MBP: variants seen among roughly 807,000 people sequenced by gnomAD.
MBP encodes the protein Golli-MBP.
Under a neutral mutation model 35.8 loss-of-function variants are expected in MBP, and 16 were observed. That is an observed-to-expected ratio of 0.45 (90% CI 0.30 to 0.68). MBP has a LOEUF of 0.68. MBP is among the 30% of genes least tolerant of loss of function. The pLI is 0.08. For synonymous variants in MBP, 143 were observed against 159.6 expected, an observed-to-expected ratio of 0.90 and a Z score of 0.78; for missense variants, 380 against 404.7, an observed-to-expected ratio of 0.94 and a Z score of 0.52.
rs1204942044 is a variant in MBP, at chr18:76,980,236, A to G, written c.*191T>C. The G allele has an allele frequency of 1.4e-6, 1 of 695,992 alleles. No individual in the cohort carries two copies. The highest frequency in any genetic ancestry group is 2.6e-6 in the Non-Finnish European group (1 of 382,626). 43.1% of individuals were successfully genotyped at this position (695,992 alleles called of 1,614,324 possible). On this transcript the variant is annotated 3_prime_UTR_variant, in exon 9 of 9. Coordinates refer to ENST00000355994, the MANE Select transcript of MBP (RefSeq NM_001025101.2). ...ACAGTTTTAACCGTTTTCTGTTTTCATGTTCTCATTTAACTGTTGGCCGGA... is the reference window on the plus strand; with the variant it reads ...ACAGTTTTAACCGTTTTCTGTTTTCGTGTTCTCATTTAACTGTTGGCCGGA...
At chr18:76,993,448 G>C (rs983381912) in intron 4 of MBP, among the ~76,000 whole-genome samples, 2 of 151,814 alleles carry the variant, frequency 1.3e-5, no homozygotes, top group Non-Finnish European at 2.9e-5. Flanking sequence ...GCTTCAGGGG[G>C]CTGAGGCAGG....
chr18:77,088,552 GATA>G (rs779330143), intron 2 of MBP, among the ~76,000 whole-genome samples: 12 of 152,310 alleles, frequency 7.9e-5, no homozygotes, highest in Non-Finnish European at 7.4e-5. Flanking sequence ...GCATGCGTAT[GATA>G]ATAATCACAT....
rs1971726842 is a variant in MBP, at chr18:77,017,587, G to A, written c.140-319C>T. ...GCGTTTCTTCCCGGGTGCTGCCATG[G>A]CTGCTCCCGGAGAGCCCAGATGTGC... On this transcript the variant is annotated intron_variant, in intron 3 of 8. Coordinates refer to ENST00000355994, the MANE Select transcript of MBP (RefSeq NM_001025101.2). The A allele has an allele frequency of 1.6e-5, 4 of 248,080 alleles. No homozygotes were observed. In the South Asian group the frequency reaches 5.1e-4, roughly 32 times the overall value. 15.4% of individuals were successfully genotyped at this position (248,080 alleles called of 1,614,324 possible).
chr18:77,026,788 C>T (rs970107960), intron 3 of MBP, among the ~76,000 whole-genome samples: 3 of 152,152 alleles, frequency 2.0e-5, no homozygotes, highest in Admixed American at 1.3e-4. Context: ...ATCACTTAAG[C>T]CCAGGAAGTT....
At chr18:77,107,349 A>C (rs915940663) in intron 1 of MBP, among the ~76,000 whole-genome samples, 2 of 151,810 alleles carry the variant, frequency 1.3e-5, no homozygotes, top group East Asian at 1.9e-4. Context: ...GCATCATCTC[A>C]TCTCTGCCTC....
chr18:77,085,833 C>T (rs993856299), intron 2 of MBP, among the ~76,000 whole-genome samples: 3 of 151,980 alleles, frequency 2.0e-5, no homozygotes, highest in African/African-American at 7.3e-5. Context: ...TACAGGCGTC[C>T]ACCACCACGC....
chr18:77,048,922 T>C, intron 3 of MBP, among the ~76,000 whole-genome samples: 1 of 151,734 alleles, frequency 6.6e-6, no homozygotes, highest in East Asian at 1.9e-4. Context: ...TTTTTTTTAA[T>C]TTTATTTATT....
chr18:77,001,696 G>A (rs1448832099), intron 4 of MBP, among the ~76,000 whole-genome samples: 1 of 152,038 alleles, frequency 6.6e-6, no homozygotes, highest in African/African-American at 2.4e-5. Context: ...ACTAAAATAC[G>A]AGAATTAGCT....
At chr18:77,065,330 C>T (rs1233410164) in intron 3 of MBP, among the ~76,000 whole-genome samples, 1 of 152,214 alleles carries the variant, frequency 6.6e-6, no homozygotes, top group East Asian at 1.9e-4. Flanking sequence ...GCTCAGGCCT[C>T]TCTTCCTCTC....
At chr18:77,092,913 T>G (rs35071014) in intron 2 of MBP, among the ~76,000 whole-genome samples, 15,912 of 152,214 alleles carry the variant, frequency 0.1, 1,123 homozygotes, top group Non-Finnish European at 0.15. Context: ...GCGTGCGTAT[T>G]TCGCTGTTTC....
intron 2 of MBP, chr18:77,067,797 T>C (rs926826035): frequency 2.0e-6 from 1 of 508,296 alleles, no homozygotes; most frequent in Non-Finnish European, 3.9e-6. Context: ...GACCATAATA[T>C]GTACATAGTC....
chr18:77,131,033 A>C lies in MBP; in HGVS notation c.-26+1547T>G, dbSNP rs2897507. ...GATTTCTGTTTTTCCCACAAAAAAA[A>C]AAAAAAAACAAAACCTCAAAAAACA... On this transcript the variant is annotated intron_variant, in intron 1 of 8. Coordinates refer to ENST00000355994, the MANE Select transcript of MBP (RefSeq NM_001025101.2). This position sits in a 1 kb window ranked among gnomAD's most constrained non-coding sequence, Gnocchi z 5.5. Among the ~76,000 whole-genome samples the C allele has an allele frequency of 3.7e-4, 44 of 118,672 alleles. No homozygotes were observed. In the South Asian group the frequency reaches 9.9e-3, roughly 27 times the overall value. The allele number at this position is 118,672 out of a possible 152,430, so 77.9% of individuals were successfully genotyped here.
chr18:77,032,534 T>C (rs1486402099), intron 3 of MBP, among the ~76,000 whole-genome samples: 1 of 151,942 alleles, frequency 6.6e-6, no homozygotes, highest in African/African-American at 2.4e-5. Context: ...CTCAGGAGGG[T>C]GGGGACGGGG....
At position 77,100,053 on chromosome 18, in the gene MBP, CTG is replaced by C. The variant is rs143057749; in HGVS notation, c.51+5156_51+5157del. On this transcript the variant is annotated intron_variant, in intron 2 of 8. Coordinates refer to ENST00000355994, the MANE Select transcript of MBP (RefSeq NM_001025101.2). ...CAAGTAACACATGTGATAAGCTTAA[CTG>C]TGATCCTCCTGAATCTATACGTGGA... is the stretch of plus-strand genomic sequence containing the variant. 0.013 allele frequency among the ~76,000 whole-genome samples: 1,915 copies of C among 152,336 alleles called. 74 individuals are homozygous for C. The South Asian group carries it at 0.13, about 11-fold the overall frequency.
intron 2 of MBP, chr18:77,097,218 T>C (rs529819433): frequency 6.6e-6 from 1 of 152,270 alleles, no homozygotes; most frequent in African/African-American, 2.4e-5. Context: ...CCAAAGGTCA[T>C]GGCTCACAGA....
chr18:77,123,564 C>T (rs575311160), intron 1 of MBP, among the ~76,000 whole-genome samples: 1 of 152,314 alleles, frequency 6.6e-6, no homozygotes, highest in African/African-American at 2.4e-5. Flanking sequence ...CCTAAGTTAA[C>T]CCGGAGCTCA....
chr18:77,008,318 G>A lies in MBP; in HGVS notation c.576+8514C>T, dbSNP rs550118017. Among the ~76,000 whole-genome samples, 3 of 152,246 alleles carry A rather than the reference G, an allele frequency of 2.0e-5. No individual in the cohort carries two copies. In the South Asian group the frequency reaches 6.2e-4, roughly 32 times the overall value. The stretch of plus-strand genomic sequence containing the variant: ...CCATCTTGGTCTCAGTGAAGCCCAG[G>A]TGGCCACAGCCCCAGTGCACCCCAG... On this transcript the variant is annotated intron_variant, in intron 4 of 8. Coordinates refer to ENST00000355994, the MANE Select transcript of MBP (RefSeq NM_001025101.2).
Position 77,105,198 on chromosome 18 carries a change from G to T in MBP, c.51+13C>A, listed in dbSNP as rs765159529. The stretch of plus-strand genomic sequence containing the variant: ...AACAACATGCACATGTTTCGGATCA[G>T]CTCACGTCTTACCGTACTGGCCTTC... On this transcript the variant is annotated intron_variant, in intron 2 of 8. Coordinates refer to ENST00000355994, the MANE Select transcript of MBP (RefSeq NM_001025101.2). 3.1e-6 allele frequency: 5 copies of T among 1,612,274 alleles called. No homozygotes were observed. The Admixed American group carries it at 8.3e-5, about 27-fold the overall frequency.
rs898636214 is a variant in MBP, at chr18:76,980,128, T to A, written c.*299A>T. 1 of 668,498 alleles carries A rather than the reference T, an allele frequency of 1.5e-6. No individual in the cohort carries two copies. Among genetic ancestry groups the A allele is most frequent in the Non-Finnish European group, 2.7e-6 (1 of 370,786 alleles). The allele number at this position is 668,498 out of a possible 1,614,324, so 41.4% of individuals were successfully genotyped here. On this transcript the variant is annotated 3_prime_UTR_variant, in exon 9 of 9. Transcript: ENST00000355994. ...GTGGAGGGGTGAACGTGGAGGGACG[T>A]CTGTGCACCTGGCCCCCTGAAGACC...
Sources: gnomAD v4.1 joint callset for allele counts (sites outside exome capture counted in the v4.1 genomes callset) on GRCh38, gnomAD v4.1.1 for gene constraint, Gnocchi (gnomAD v3.1) non-coding constraint, MANE v1.5 for transcripts, NCBI Gene and HGNC (gene_info 2026-07-23, HGNC 2026-07-21) for gene names.